ANO4: variants seen among roughly 807,000 people sequenced by gnomAD.
The protein encoded by ANO4 is anoctamin 4.
Under a neutral mutation model 141.9 loss-of-function variants are expected in ANO4, and 69 were observed. The observed-to-expected ratio is 0.49, with a 90% CI of 0.40 to 0.59. The LOEUF (loss-of-function observed/expected upper bound fraction) is 0.59. Among genes scored for constraint, ANO4 ranks in the 20% least tolerant of loss-of-function variants. The probability of loss-of-function intolerance (pLI) is 0.00; values close to 1 mark genes in which losing one functional copy is unlikely to be tolerated. For synonymous variants in ANO4, 350 were observed against 394.3 expected, an observed-to-expected ratio of 0.89 and a Z score of 1.33; for missense variants, 894 against 1,162.2, an observed-to-expected ratio of 0.77 and a Z score of 3.36.
chr12:100,977,379 C>T (rs527658067), intron 7 of ANO4, among the ~76,000 whole-genome samples: 48 of 152,178 alleles, frequency 3.2e-4, no homozygotes, highest in Non-Finnish European at 6.0e-4. Context: ...ACTTCCCACA[C>T]AGTCACCTAA....
intron 8 of ANO4, among the ~76,000 whole-genome samples, chr12:100,992,502 C>T (rs2045182539): frequency 6.6e-6 from 1 of 152,200 alleles, no homozygotes; most frequent in South Asian, 2.1e-4. Context: ...GAACTCAGCT[C>T]CAAAGACTCC....
At chr12:101,044,582 T>C (rs1464423586) in intron 13 of ANO4, among the ~76,000 whole-genome samples, 1 of 152,248 alleles carries the variant, frequency 6.6e-6, no homozygotes, top group African/African-American at 2.4e-5. Flanking sequence ...CACTGAAGCC[T>C]GGATCTATCT....
intron 4 of ANO4, among the ~76,000 whole-genome samples, chr12:100,939,871 T>C (rs889168014): frequency 2.6e-5 from 4 of 152,210 alleles, no homozygotes; most frequent in African/African-American, 9.6e-5. Context: ...CTCTGTAATC[T>C]GGAAACTTCA....
intron 7 of ANO4, among the ~76,000 whole-genome samples, 155 bp downstream of exon 7, chr12:100,975,044 C>G (rs187117646): frequency 7.9e-5 from 12 of 152,250 alleles, no homozygotes; most frequent in Non-Finnish European, 1.6e-4. Flanking sequence ...TCTGATTAGC[C>G]TGAGGAGAAA....
At chr12:101,098,489 A>G (rs745420776) in intron 21 of ANO4, among the ~76,000 whole-genome samples, 8 of 152,156 alleles carry the variant, frequency 5.3e-5, no homozygotes, top group Non-Finnish European at 1.2e-4. Context: ...TGTCAGCTCA[A>G]TGTCTCTGTA....
At chr12:100,939,976 A>G (rs1011063652) in intron 4 of ANO4, among the ~76,000 whole-genome samples, 27 of 152,196 alleles carry the variant, frequency 1.8e-4, no homozygotes, top group Non-Finnish European at 3.7e-4. Context: ...TTGTGTCTCA[A>G]TAGAGTTTAA....
intron 1 of ANO4, among the ~76,000 whole-genome samples, chr12:100,883,931 C>T (rs2135964906): frequency 6.6e-6 from 1 of 152,176 alleles, no homozygotes; most frequent in Middle Eastern, 3.4e-3. Flanking sequence ...TCAAATGGGC[C>T]TTAAAATACA....
At chr12:100,925,789 G>C (rs1473861807) in intron 3 of ANO4, among the ~76,000 whole-genome samples, 1 of 147,134 alleles carries the variant, frequency 6.8e-6, no homozygotes, top group East Asian at 2.0e-4. Context: ...ATGTATGCAT[G>C]TATATATGTG....
chr12:101,017,961 C>T (rs77976725), intron 8 of ANO4, among the ~76,000 whole-genome samples: 11,752 of 152,216 alleles, frequency 0.077, 573 homozygotes, highest in Non-Finnish European at 0.1. Context: ...TTATAGAGAA[C>T]ATTTACATGT....
At chr12:100,839,173 C>T (rs2037105064) in intron 1 of ANO4, among the ~76,000 whole-genome samples, 1 of 152,162 alleles carries the variant, frequency 6.6e-6, no homozygotes, top group African/African-American at 2.4e-5. Context: ...GCTGGCCAGG[C>T]CGTAATTGTG....
chr12:101,028,832 AC>A (rs1429981289), intron 9 of ANO4, among the ~76,000 whole-genome samples: 2 of 152,180 alleles, frequency 1.3e-5, no homozygotes, highest in African/African-American at 4.8e-5. Flanking sequence ...TACAGAGAAC[AC>A]CACTAAAGTA....
chr12:101,023,133 G>A (rs1287778325), intron 9 of ANO4, among the ~76,000 whole-genome samples: 4 of 152,094 alleles, frequency 2.6e-5, no homozygotes, highest in Non-Finnish European at 5.9e-5. Flanking sequence ...ACAGTGCCTG[G>A]CATATAGTAG....
chr12:101,039,332 C>G (rs562143317), intron 10 of ANO4, among the ~76,000 whole-genome samples: 2 of 152,196 alleles, frequency 1.3e-5, no homozygotes, highest in South Asian at 4.2e-4. Flanking sequence ...TGGCAAAACC[C>G]CATCTCTACA....
intron 5 of ANO4, among the ~76,000 whole-genome samples, chr12:100,954,951 G>T (rs1366364853): frequency 1.3e-5 from 2 of 152,268 alleles, no homozygotes; most frequent in East Asian, 1.9e-4. Context: ...TGTGATGCAG[G>T]GGAGGGAAAA....
intron 2 of ANO4, among the ~76,000 whole-genome samples, chr12:100,913,545 T>C (rs576403886): frequency 4.6e-5 from 7 of 152,340 alleles, no homozygotes; most frequent in East Asian, 1.9e-4. Context: ...TTGTTCCTAA[T>C]TTAGAAATTA....
chr12:100,808,902 A>G (rs1207683687), intron 1 of ANO4, among the ~76,000 whole-genome samples: 1 of 152,236 alleles, frequency 6.6e-6, no homozygotes, highest in Non-Finnish European at 1.5e-5. Flanking sequence ...CAAAGCACCA[A>G]TTGCTGAGAT....
intron 3 of ANO4, among the ~76,000 whole-genome samples, chr12:100,773,818 C>A (rs1161466261): frequency 6.6e-6 from 1 of 152,110 alleles, no homozygotes; most frequent in Non-Finnish European, 1.5e-5. Context: ...TTTAAAATAA[C>A]CTCTATTGTG....
chr12:100,760,168 G>A (rs1565859913), intron 3 of ANO4, among the ~76,000 whole-genome samples: 1 of 152,152 alleles, frequency 6.6e-6, no homozygotes, highest in Admixed American at 6.5e-5. Context: ...AGGAACACTG[G>A]ACTTCAGCAG....
intron 14 of ANO4, among the ~76,000 whole-genome samples, chr12:101,056,411 T>C (rs1451100841): frequency 6.6e-6 from 1 of 152,202 alleles, no homozygotes; most frequent in Non-Finnish European, 1.5e-5. Context: ...TGCTACTACA[T>C]AGAAATACAA....
Sources: gnomAD v4.1 joint callset for allele counts (sites outside exome capture counted in the v4.1 genomes callset) on GRCh38, gnomAD v4.1.1 for gene constraint, MANE v1.5 for transcripts, NCBI Gene and HGNC (gene_info 2026-07-23, HGNC 2026-07-21) for gene names.